The following NRXN3 variants were observed in gnomAD, a reference collection of about 807,000 sequenced individuals.
NRXN3 encodes neurexin III.
A neutral mutation model predicts 137.6 loss-of-function variants in NRXN3; 32 were observed. That is an observed-to-expected ratio of 0.23 (90% CI 0.18 to 0.31). NRXN3 has a LOEUF of 0.31. NRXN3 is among the 10% of genes least tolerant of loss of function. The pLI, the probability that NRXN3 is intolerant of heterozygous loss-of-function variation, is 1.00. For missense variants in NRXN3, 1,574 were observed against 2,062.5 expected, an observed-to-expected ratio of 0.76 and a Z score of 4.59; for synonymous variants, 798 against 784.5, an observed-to-expected ratio of 1.02 and a Z score of -0.29.
chr14:78,472,275 G>A (rs1413594503), intron 4 of NRXN3, among the ~76,000 whole-genome samples: 2 of 152,116 alleles, frequency 1.3e-5, no homozygotes, highest in Non-Finnish European at 2.9e-5. Flanking sequence ...GTGATATCCT[G>A]GGGATATGTT....
intron 4 of NRXN3, among the ~76,000 whole-genome samples, chr14:78,485,112 C>A (rs1321122678): frequency 6.6e-6 from 1 of 152,058 alleles, no homozygotes; most frequent in Admixed American, 6.6e-5. Context: ...CCTGAGGTGC[C>A]CAAAGGGAGC....
At chr14:78,639,642 A>G (rs914740065) in intron 4 of NRXN3, among the ~76,000 whole-genome samples, 24 of 152,196 alleles carry the variant, frequency 1.6e-4, no homozygotes, top group Non-Finnish European at 3.1e-4. Context: ...TTACCTTTCA[A>G]CAGGTTGAAC....
chr14:79,831,315 T>C (rs2099322695), intron 20 of NRXN3, among the ~76,000 whole-genome samples: 1 of 152,202 alleles, frequency 6.6e-6, no homozygotes, highest in South Asian at 2.1e-4. Flanking sequence ...GAGTGACAGA[T>C]TTCACATGAG....
chr14:78,702,243 T>C (rs915581606), intron 6 of NRXN3, among the ~76,000 whole-genome samples: 2 of 151,852 alleles, frequency 1.3e-5, no homozygotes, highest in African/African-American at 2.4e-5. Flanking sequence ...GGCAATTAAG[T>C]ATATACAATT....
At chr14:79,830,070 G>T (rs2099318271) in intron 20 of NRXN3, among the ~76,000 whole-genome samples, 1 of 152,152 alleles carries the variant, frequency 6.6e-6, no homozygotes, top group Non-Finnish European at 1.5e-5. Flanking sequence ...CAATGGCCTG[G>T]CATGGAAGGT....
In NRXN3 at chr14:79,814,031, C is replaced by A. The variant is rs191938957; in HGVS notation, c.4093+8841C>A. On this transcript the variant is annotated intron_variant, in intron 20 of 20. Transcript: ENST00000335750. ...CGCATCAACTAACCATGGCCTCCATCACAAGTGCATGACACCATCTTGTGT... is the reference window on the plus strand; with the variant it reads ...CGCATCAACTAACCATGGCCTCCATAACAAGTGCATGACACCATCTTGTGT... 5.3e-5 allele frequency among the ~76,000 whole-genome samples: 8 copies of A among 152,234 alleles called. No homozygotes were observed. The South Asian group carries it at 1.4e-3, about 28-fold the overall frequency.
rs78411872 is a variant in NRXN3 at position 79,547,697 on chromosome 14, G to A, written c.3444+80295G>A. Among the ~76,000 whole-genome samples, 50 of 152,274 alleles carry A rather than the reference G, an allele frequency of 3.3e-4. No individual in the cohort carries two copies. In the East Asian group the frequency reaches 9.1e-3, roughly 28 times the overall value. On this transcript the variant is annotated intron_variant, in intron 16 of 20. Transcript: ENST00000335750. Reference sequence around the variant, plus strand: ...TGAGGAGAGAACCAGTAAGGAGGTTGGGGAGCTGGATAGCATTTACAGCAT... The same window carrying A: ...TGAGGAGAGAACCAGTAAGGAGGTTAGGGAGCTGGATAGCATTTACAGCAT...
At chr14:79,837,730 T>C (rs1408400127) in intron 20 of NRXN3, among the ~76,000 whole-genome samples, 1 of 152,204 alleles carries the variant, frequency 6.6e-6, no homozygotes, top group Non-Finnish European at 1.5e-5. Flanking sequence ...TTCTTGCTTT[T>C]GGATTCTTTC....
intron 8 of NRXN3, among the ~76,000 whole-genome samples, chr14:78,719,478 G>A (rs8008702): frequency 0.33 from 49,740 of 152,010 alleles, 10,444 homozygotes; most frequent in African/African-American, 0.6. Flanking sequence ...ACCAATCTTC[G>A]ATGAGGCTGG....
intron 4 of NRXN3, among the ~76,000 whole-genome samples, chr14:78,619,620 T>C (rs1469908824): frequency 1.3e-5 from 2 of 152,046 alleles, no homozygotes; most frequent in African/African-American, 4.8e-5. Context: ...TGAGTTCTAA[T>C]GAGATCTGAT....
chr14:78,568,049 G>A (rs2096852812), intron 4 of NRXN3, among the ~76,000 whole-genome samples: 2 of 152,180 alleles, frequency 1.3e-5, no homozygotes, highest in Non-Finnish European at 2.9e-5. Flanking sequence ...AGGTTCTGAG[G>A]TTAAATTGAG....
At chr14:78,507,248 T>A (rs924978109) in intron 4 of NRXN3, among the ~76,000 whole-genome samples, 8 of 152,282 alleles carry the variant, frequency 5.3e-5, no homozygotes, top group East Asian at 1.9e-4. Flanking sequence ...ATCTTACAGA[T>A]AAAAGTGAGG....
intron 10 of NRXN3, among the ~76,000 whole-genome samples, chr14:78,855,808 T>A (rs1184932704): frequency 6.6e-6 from 1 of 152,220 alleles, no homozygotes; most frequent in Non-Finnish European, 1.5e-5. Context: ...TATTAGGCAT[T>A]CTAAGGAGAG....
chr14:79,368,226 A>C (rs1156953882), intron 15 of NRXN3, among the ~76,000 whole-genome samples: 1 of 152,196 alleles, frequency 6.6e-6, no homozygotes, highest in Non-Finnish European at 1.5e-5. Context: ...GCCAAATTTC[A>C]TGTGGCTATG....
At chr14:78,450,512 G>A (rs1263926911) in intron 4 of NRXN3, among the ~76,000 whole-genome samples, 1 of 152,118 alleles carries the variant, frequency 6.6e-6, no homozygotes, top group Non-Finnish European at 1.5e-5. Context: ...CCTGGCTGAT[G>A]ATTTTCGCAC....
intron 15 of NRXN3, among the ~76,000 whole-genome samples, chr14:79,161,832 A>G (rs930071026): frequency 3.9e-5 from 6 of 151,922 alleles, no homozygotes; most frequent in African/African-American, 1.4e-4. Context: ...GGTGCAAAGG[A>G]AAGTGACTGG....
chr14:79,486,960 T>TCTCTCTCTCCCTCC (rs1365006345), intron 16 of NRXN3, among the ~76,000 whole-genome samples: 1 of 112,020 alleles, frequency 8.9e-6, no homozygotes, highest in African/African-American at 3.5e-5. Flanking sequence ...TCTCTCTCTC[T>TCTCTCTCTCCCTCC]CCCACACACA....
chr14:78,340,678 G>A (rs1269440857), intron 4 of NRXN3, among the ~76,000 whole-genome samples: 1 of 152,074 alleles, frequency 6.6e-6, no homozygotes, highest in African/African-American at 2.4e-5. Context: ...ATGTTGGCTG[G>A]GTTCTAAAAG....
intron 15 of NRXN3, among the ~76,000 whole-genome samples, chr14:79,048,837 A>G (rs1273099101): frequency 6.7e-6 from 1 of 149,530 alleles, no homozygotes; most frequent in Non-Finnish European, 1.5e-5. Flanking sequence ...ATCCTGGCTA[A>G]CACGGTGAAA....
Sources: gnomAD v4.1 joint callset for allele counts (sites outside exome capture counted in the v4.1 genomes callset) on GRCh38, gnomAD v4.1.1 for gene constraint, MANE v1.5 for transcripts, NCBI Gene and HGNC (gene_info 2026-07-23, HGNC 2026-07-21) for gene names.